FCHSD2: variants seen among roughly 807,000 people sequenced by gnomAD.
FCHSD2 encodes the protein FCH and double SH3 domains 2.
A neutral mutation model predicts 108.1 loss-of-function variants in FCHSD2; 38 were observed. The observed-to-expected ratio is 0.35, with a 90% CI of 0.27 to 0.46. FCHSD2 has a LOEUF of 0.46. FCHSD2 is among the 20% of genes least tolerant of loss of function. The pLI, the probability that FCHSD2 is intolerant of heterozygous loss-of-function variation, is 1.00. For missense variants in FCHSD2, 751 were observed against 897.8 expected, an observed-to-expected ratio of 0.84 and a Z score of 2.09; for synonymous variants, 279 against 314.7, an observed-to-expected ratio of 0.89 and a Z score of 1.20.
chr11:72,886,341 A>G lies in FCHSD2; in HGVS notation c.1146+1129T>C, dbSNP rs1416721297. On this transcript the variant is annotated intron_variant, in intron 12 of 19. Coordinates refer to ENST00000409418, the MANE Select transcript of FCHSD2 (RefSeq NM_014824.3). ...ATTCTACCTCCTGAAGTTGCATGGCATAAGTCTGTGCTATCCCCTTTTCTC... is the reference window on the plus strand; with the variant it reads ...ATTCTACCTCCTGAAGTTGCATGGCGTAAGTCTGTGCTATCCCCTTTTCTC... 4.6e-5 allele frequency among the ~76,000 whole-genome samples: 7 copies of G among 152,300 alleles called. No individual in the cohort carries two copies. In the South Asian group the frequency reaches 1.0e-3, roughly 23 times the overall value.
intron 2 of FCHSD2, among the ~76,000 whole-genome samples, chr11:73,113,353 CTTTTTTT>C (rs35979371): frequency 1.7e-4 from 5 of 29,914 alleles, no homozygotes; most frequent in South Asian, 1.7e-3. Context: ...CCAAGATGGT[CTTTTTTT>C]TTTTTTTTTT....
chr11:73,079,970 C>G (rs1275057902), intron 3 of FCHSD2, among the ~76,000 whole-genome samples: 1 of 151,972 alleles, frequency 6.6e-6, no homozygotes, highest in Non-Finnish European at 1.5e-5. Flanking sequence ...ATTGTATAAA[C>G]AAAACTAGTT....
intron 8 of FCHSD2, among the ~76,000 whole-genome samples, chr11:72,950,862 A>G (rs1856608657): frequency 6.6e-6 from 1 of 152,144 alleles, no homozygotes; most frequent in African/African-American, 2.4e-5. Context: ...ATGCTGTGGG[A>G]CTACACTTCC....
At chr11:73,100,708 A>G (rs1263718314) in intron 2 of FCHSD2, among the ~76,000 whole-genome samples, 4 of 152,184 alleles carry the variant, frequency 2.6e-5, no homozygotes, top group African/African-American at 9.7e-5. Flanking sequence ...TTAGGTAGGC[A>G]GAAATGAAAA....
intron 5 of FCHSD2, among the ~76,000 whole-genome samples, chr11:72,996,744 T>A (rs1217323132): frequency 1.3e-5 from 2 of 152,184 alleles, no homozygotes; most frequent in Non-Finnish European, 2.9e-5. Flanking sequence ...TGGATCAGAC[T>A]ACCTTTCTCT....
chr11:73,130,301 T>C (rs1162656514), intron 2 of FCHSD2, among the ~76,000 whole-genome samples: 1 of 152,184 alleles, frequency 6.6e-6, no homozygotes, highest in Non-Finnish European at 1.5e-5. Flanking sequence ...GGCTGGAGTG[T>C]AGTGGCTACT....
intron 3 of FCHSD2, among the ~76,000 whole-genome samples, chr11:73,024,770 T>C (rs1858188022): frequency 1.3e-5 from 2 of 151,664 alleles, no homozygotes; most frequent in South Asian, 4.2e-4. Context: ...CCAGCATCTA[T>C]AAGGAAATTA....
intron 8 of FCHSD2, among the ~76,000 whole-genome samples, chr11:72,978,844 G>A (rs1857158002): frequency 6.8e-6 from 1 of 146,506 alleles, no homozygotes; most frequent in South Asian, 2.2e-4. Context: ...CCAGTCTCAG[G>A]TAGCTCTTTC....
At chr11:73,119,539 A>C (rs1860683455) in intron 2 of FCHSD2, among the ~76,000 whole-genome samples, 1 of 152,122 alleles carries the variant, frequency 6.6e-6, no homozygotes, top group Non-Finnish European at 1.5e-5. Context: ...ATTATAGCTC[A>C]CTATAACCTC....
intron 2 of FCHSD2, among the ~76,000 whole-genome samples, chr11:73,095,515 C>T (rs1860053294): frequency 6.6e-6 from 1 of 152,020 alleles, no homozygotes; most frequent in Admixed American, 6.6e-5. Context: ...GAGTAAGAAA[C>T]ATAACTGGAA....
chr11:72,842,251 G>A (rs1163035493), intron 17 of FCHSD2, among the ~76,000 whole-genome samples: 2 of 152,152 alleles, frequency 1.3e-5, no homozygotes, highest in Non-Finnish European at 2.9e-5. Flanking sequence ...TGACAGTGAG[G>A]GAGAGAGAGA....
chr11:73,105,340 C>G (rs983146959), intron 2 of FCHSD2, among the ~76,000 whole-genome samples: 5 of 152,176 alleles, frequency 3.3e-5, no homozygotes, highest in African/African-American at 4.8e-5. Flanking sequence ...TACATTAGCT[C>G]CATGCTTTAT....
intron 12 of FCHSD2, 134 bp from the exon 13 acceptor site, chr11:72,868,160 A>C: frequency 1.3e-6 from 1 of 754,056 alleles, no homozygotes; most frequent in Non-Finnish European, 2.1e-6. Context: ...ATGGAATACT[A>C]TGCAGCCATA....
chr11:72,957,830 C>T (rs896309015), intron 8 of FCHSD2, among the ~76,000 whole-genome samples: 1 of 151,928 alleles, frequency 6.6e-6, no homozygotes, highest in African/African-American at 2.4e-5. Context: ...TACACAAGCA[C>T]ATAAATATAT....
At chr11:72,986,073 C>T (rs995654644) in intron 6 of FCHSD2, among the ~76,000 whole-genome samples, 9 of 152,098 alleles carry the variant, frequency 5.9e-5, no homozygotes, top group African/African-American at 2.2e-4. Flanking sequence ...AAAGCAGCCT[C>T]TTATTTTTCT....
chr11:73,099,413 A>G (rs766771326), intron 2 of FCHSD2, among the ~76,000 whole-genome samples: 7 of 152,192 alleles, frequency 4.6e-5, no homozygotes, highest in Non-Finnish European at 8.8e-5. Flanking sequence ...AAAGTTAAAC[A>G]CTGAATTACT....
chr11:73,002,240 G>T (rs1857640171), intron 4 of FCHSD2, among the ~76,000 whole-genome samples: 1 of 152,124 alleles, frequency 6.6e-6, no homozygotes, highest in Admixed American at 6.5e-5. Flanking sequence ...GATAAACTAT[G>T]GTTTTCAACC....
Position 72,964,932 on chromosome 11 carries a change from G to A in FCHSD2, c.705+19156C>T, listed in dbSNP as rs903153958. 6.6e-5 allele frequency among the ~76,000 whole-genome samples: 10 copies of A among 151,910 alleles called. No homozygotes were observed. In the South Asian group the frequency reaches 2.1e-3, roughly 32 times the overall value. The stretch of plus-strand genomic sequence containing the variant: ...AGCCTCCCGAGTAGCGGGGACTACA[G>A]GCGCCCGCCACCACACCCGGCTAAT... On this transcript the variant is annotated intron_variant, in intron 8 of 19. Transcript: ENST00000409418.
At chr11:72,953,412 T>C (rs187734740) in intron 8 of FCHSD2, among the ~76,000 whole-genome samples, 1 of 152,312 alleles carries the variant, frequency 6.6e-6, no homozygotes, top group East Asian at 1.9e-4. Flanking sequence ...TTCTCTCTCT[T>C]AAGGCCAGTT....
Sources: gnomAD v4.1 joint callset for allele counts (sites outside exome capture counted in the v4.1 genomes callset) on GRCh38, gnomAD v4.1.1 for gene constraint, MANE v1.5 for transcripts, NCBI Gene and HGNC (gene_info 2026-07-23, HGNC 2026-07-21) for gene names.